The following MAP2 variants were observed in gnomAD, a reference collection of about 807,000 sequenced individuals.
MAP2 encodes the protein microtubule associated protein 2.
A neutral mutation model predicts 137.6 loss-of-function variants in MAP2; 14 were observed. The observed-to-expected ratio is 0.10, with a 90% confidence interval of 0.07 to 0.16. The LOEUF (loss-of-function observed/expected upper bound fraction) is 0.16, where lower values mean the gene tolerates loss of function less well. Ranked by LOEUF, MAP2 falls within the 10% of genes least tolerant of loss-of-function variation. The pLI is 1.00. For missense variants in MAP2, 2,088 were observed against 2,191.5 expected (o/e 0.95, Z 0.94); for synonymous variants, 786 against 782.3 (o/e 1.00, Z -0.08).
Position 209,484,130 on chromosome 2 carries a change from A to G in MAP2, c.-221-23462A>G, listed in dbSNP as rs562277464. Among the ~76,000 whole-genome samples, 226 of 152,324 alleles carry G rather than the reference A, an allele frequency of 1.5e-3. 1 individual carries two copies. Among genetic ancestry groups the G allele is most frequent in the Middle Eastern group, 3.4e-3 (1 of 294 alleles). On this transcript the variant is annotated intron_variant, in intron 1 of 15. Transcript: ENST00000682079. ...CTCCTCTATTTCTTCTAAGAACAAT[A>G]TAAAGAAAATGCATTTGCATTTGAA...
At chr2:209,723,611 A>T in intron 13 of MAP2, 1 of 1,612,364 alleles carries the variant, frequency 6.2e-7, no homozygotes, top group Non-Finnish European at 8.5e-7. Context: ...ATTTTAAACA[A>T]GAAGATCGAT....
At chr2:209,621,276 T>TTTTTTTTTTTTA (rs2091083765) in intron 3 of MAP2, among the ~76,000 whole-genome samples, 2 of 147,738 alleles carry the variant, frequency 1.4e-5, no homozygotes, top group South Asian at 2.2e-4. Context: ...TTTTTTTTTT[T>TTTTTTTTTTTTA]GAGAGAGAGT....
chr2:209,661,005 A>G (rs1238049002), intron 5 of MAP2, among the ~76,000 whole-genome samples: 1 of 151,382 alleles, frequency 6.6e-6, no homozygotes, highest in African/African-American at 2.4e-5. Context: ...CGGCATCCCA[A>G]AGTGCTGGGA....
chr2:209,653,108 C>T (rs1357517274), intron 4 of MAP2, 34 bp from the exon 5 acceptor site: 2 of 1,485,992 alleles, frequency 1.3e-6, no homozygotes, highest in Admixed American at 4.8e-5. Flanking sequence ...AGAAGATTTC[C>T]CCAAAGTAAT....
chr2:209,529,950 G>A (rs1236267108), intron 2 of MAP2, among the ~76,000 whole-genome samples: 1 of 119,720 alleles, frequency 8.4e-6, no homozygotes, highest in East Asian at 2.9e-4. Context: ...AATTCTATGA[G>A]TATTGAGAGC....
intron 1 of MAP2, among the ~76,000 whole-genome samples, chr2:209,439,245 T>C (rs959296584): frequency 1.3e-5 from 2 of 151,630 alleles, no homozygotes; most frequent in African/African-American, 4.8e-5. Flanking sequence ...CTCTGTTTTG[T>C]CATTTATAAG....
intron 4 of MAP2, among the ~76,000 whole-genome samples, chr2:209,631,459 C>A (rs1251304300): frequency 6.6e-6 from 1 of 151,984 alleles, no homozygotes; most frequent in Non-Finnish European, 1.5e-5. Flanking sequence ...GCAGGCAGAC[C>A]CTTCAGCTAC....
intron 1 of MAP2, among the ~76,000 whole-genome samples, chr2:209,488,196 C>T (rs2058631637): frequency 2.0e-5 from 3 of 152,160 alleles, no homozygotes; most frequent in African/African-American, 7.2e-5. Flanking sequence ...GGAACTCCTT[C>T]CCCTAGCCAA....
chr2:209,543,332 G>A (rs570749862), intron 2 of MAP2, among the ~76,000 whole-genome samples: 12 of 152,248 alleles, frequency 7.9e-5, no homozygotes, highest in African/African-American at 2.9e-4. Flanking sequence ...ATCATAAATT[G>A]CCATAACAGA....
At chr2:209,519,081 A>G (rs1393878323) in intron 2 of MAP2, among the ~76,000 whole-genome samples, 1 of 152,130 alleles carries the variant, frequency 6.6e-6, no homozygotes, top group African/African-American at 2.4e-5. Flanking sequence ...TAAAAACAAA[A>G]TCTTATACCA....
At chr2:209,670,916 A>G (rs1203394402) in intron 5 of MAP2, among the ~76,000 whole-genome samples, 1 of 151,870 alleles carries the variant, frequency 6.6e-6, no homozygotes, top group Non-Finnish European at 1.5e-5. Context: ...TCATCTTTCT[A>G]TCCCCCACTA....
At chr2:209,614,747 A>G (rs2088508014) in intron 3 of MAP2, among the ~76,000 whole-genome samples, 1 of 152,166 alleles carries the variant, frequency 6.6e-6, no homozygotes, top group Admixed American at 6.5e-5. Context: ...GATATTTCAC[A>G]TTAGTATCAC....
intron 7 of MAP2, among the ~76,000 whole-genome samples, chr2:209,681,702 T>TTTTATTCA (rs1188145082): frequency 3.3e-5 from 5 of 152,224 alleles, no homozygotes; most frequent in Non-Finnish European, 7.3e-5. Context: ...AAAGTGTTTA[T>TTTTATTCA]TTTATTCATT....
chr2:209,526,203 C>G (rs949863683), intron 2 of MAP2, among the ~76,000 whole-genome samples: 1 of 152,008 alleles, frequency 6.6e-6, no homozygotes, highest in Non-Finnish European at 1.5e-5. Context: ...TTCATAAGTC[C>G]TATTCTTTTG....
chr2:209,639,350 A>C (rs989986164), intron 4 of MAP2, among the ~76,000 whole-genome samples: 1 of 152,198 alleles, frequency 6.6e-6, no homozygotes, highest in Non-Finnish European at 1.5e-5. Context: ...TTCATGAAAC[A>C]GTCTGTTAAG....
intron 1 of MAP2, among the ~76,000 whole-genome samples, chr2:209,486,355 C>A (rs2058376946): frequency 6.6e-6 from 1 of 152,014 alleles, no homozygotes; most frequent in Admixed American, 6.6e-5. Flanking sequence ...AGCTGAGTAG[C>A]TGGGACTACC....
chr2:209,646,669 A>G (rs893925127), intron 4 of MAP2, among the ~76,000 whole-genome samples: 1 of 152,146 alleles, frequency 6.6e-6, no homozygotes, highest in Non-Finnish European at 1.5e-5. Context: ...ATCATATTAG[A>G]TAGTTTCTAT....
intron 1 of MAP2, among the ~76,000 whole-genome samples, chr2:209,469,321 A>G (rs1705035023): frequency 6.6e-6 from 1 of 152,158 alleles, no homozygotes; most frequent in Non-Finnish European, 1.5e-5. Context: ...GTCTTCCATA[A>G]GATGTTTGTT....
chr2:209,507,547 T>G (rs1259454921), intron 1 of MAP2, 45 bp from the exon 2 acceptor site: 1 of 152,142 alleles, frequency 6.6e-6, no homozygotes, highest in African/African-American at 2.4e-5. Flanking sequence ...AGCCAGATTG[T>G]TCAACTGATT....
Sources: gnomAD v4.1 joint callset for allele counts (sites outside exome capture counted in the v4.1 genomes callset) on GRCh38, gnomAD v4.1.1 for gene constraint, MANE v1.5 for transcripts, NCBI Gene and HGNC (gene_info 2026-07-23, HGNC 2026-07-21) for gene names.